The following IQSEC2 variants were observed in gnomAD, a reference collection of about 807,000 sequenced individuals.
The protein encoded by IQSEC2 is IQ motif and SEC7 domain-containing protein 2.
In IQSEC2, 6 loss-of-function variants were observed where a neutral mutation model predicts 74.6. The observed-to-expected ratio is 0.08, with a 90% confidence interval of 0.04 to 0.16. IQSEC2 has a LOEUF of 0.16. Ranked by LOEUF, IQSEC2 falls within the 10% of genes least tolerant of loss-of-function variation. The pLI is 1.00. For synonymous variants in IQSEC2, 494 were observed against 544.5 expected, an observed-to-expected ratio of 0.91 and a Z score of 1.29; for missense variants, 734 against 1,306.2, an observed-to-expected ratio of 0.56 and a Z score of 6.75.
chrX:53,235,080 T>C lies in IQSEC2; in HGVS notation c.3606A>G (p.Ser1202=), dbSNP rs1248421617. 1 of 1,076,357 alleles carries C rather than the reference T, an allele frequency of 9.3e-7. No homozygotes were observed. The highest frequency in any genetic ancestry group is 2.3e-5 in the African/African-American group (1 of 43,624). The allele number at this position is 1,076,357 out of a possible 1,213,427, so 88.7% of individuals were successfully genotyped here. A position where few individuals can be genotyped will look rare whatever the true frequency, so the allele number is the denominator to read the frequency against. ...TTCCAAATAGGGAGCCCAGGAAGGA[T>C]GAGGAGTTGGAGACGGGCCTCTGGC... ...YKSQRPVSNS[S]SFLGSLFGSK... The change falls in exon 15 of 15, where the codon TCA becomes TCG. Residue 1202 remains serine (S), a synonymous_variant. Transcript: ENST00000642864.
intron 1 of IQSEC2, among the ~76,000 whole-genome samples, chrX:53,309,907 AAGAAATATACC>A (rs782702810): frequency 2.7e-5 from 3 of 112,182 alleles, no homozygotes; most frequent in African/African-American, 9.7e-5. Context: ...ATTAGGAAGG[AAGAAATATACC>A]AGTTTTCAGG....
rs782269075 is a variant in IQSEC2, at chrX:53,269,731, G to A, written c.738-13670C>T. ...CTCATGCGCCCACCACTCCATGGAA[G>A]CTGTTCTGAGGAAGGTCGCCCAGGC... is the stretch of plus-strand genomic sequence containing the variant. On this transcript the variant is annotated intron_variant, in intron 2 of 14. Coordinates refer to ENST00000642864, the MANE Select transcript of IQSEC2 (RefSeq NM_001111125.3). Among the ~76,000 whole-genome samples, 4 of 111,306 alleles carry A rather than the reference G, an allele frequency of 3.6e-5. No homozygotes were observed. The East Asian group carries it at 1.1e-3, about 32-fold the overall frequency.
At chrX:53,244,783 G>T (rs971277096) in intron 8 of IQSEC2, among the ~76,000 whole-genome samples, 1 of 111,406 alleles carries the variant, frequency 9.0e-6, no homozygotes, top group Admixed American at 9.6e-5. Flanking sequence ...AGATTAGAAC[G>T]CACCAAAACA....
chrX:53,243,429 C>A lies in IQSEC2; in HGVS notation c.2792G>T (p.Gly931Val). The change falls in exon 9 of 15, where the codon GGC becomes GTC. Residue 931 changes from glycine (G) to valine (V), a missense_variant. Coordinates refer to ENST00000642864, the MANE Select transcript of IQSEC2 (RefSeq NM_001111125.3). ...GEDIPRDLLV[G>V]IYQRIQGREL... is the part of the protein sequence containing the mutation. ...ACGCCCCTGGATGCGCTGGTAGATG[C>A]CCACCAGGAGGTCTCGGGGGATGTC... 1 of 1,174,333 alleles carries A rather than the reference C, an allele frequency of 8.5e-7. No homozygotes were observed. The highest frequency in any genetic ancestry group is 1.1e-6 in the Non-Finnish European group (1 of 876,099).
At chrX:53,275,292 A>G (rs1169139761) in intron 2 of IQSEC2, among the ~76,000 whole-genome samples, 1 of 110,021 alleles carries the variant, frequency 9.1e-6, no homozygotes, top group Non-Finnish European at 1.9e-5. Context: ...CATCCTGCCG[A>G]GTTGGGATTA....
rs1226092595 is a variant in IQSEC2, at chrX:53,274,572, T to C, written c.737+17323A>G. Among the ~76,000 whole-genome samples the C allele has an allele frequency of 4.9e-5, 5 of 102,172 alleles. 1 individual carries two copies. The highest frequency in any genetic ancestry group is 1.8e-4 in the African/African-American group (5 of 28,038). 88.7% of individuals were successfully genotyped at this position (102,172 alleles called of 115,157 possible). A position where few individuals can be genotyped will look rare whatever the true frequency, so the allele number is the denominator to read the frequency against. ...CGCCTCCCGGGTTCACGCCATTCTC[T>C]TGCCTCAGCCTCCTGAGTAGCTGGG... On this transcript the variant is annotated intron_variant, in intron 2 of 14. Transcript: ENST00000642864.
intron 1 of IQSEC2, among the ~76,000 whole-genome samples, chrX:53,301,662 T>C (rs782525278): frequency 7.2e-5 from 8 of 111,532 alleles, no homozygotes; most frequent in African/African-American, 2.6e-4. Context: ...TATCCACATA[T>C]CTCAAGGCTC....
intron 1 of IQSEC2, among the ~76,000 whole-genome samples, chrX:53,318,892 T>C (rs2075402835): frequency 8.9e-6 from 1 of 112,668 alleles, no homozygotes; most frequent in South Asian, 3.7e-4. Flanking sequence ...CTGTCCCTCT[T>C]CCAGTGTGGC....
chrX:53,268,479 T>C, intron 2 of IQSEC2, among the ~76,000 whole-genome samples: 1 of 110,021 alleles, frequency 9.1e-6, no homozygotes, highest in Middle Eastern at 4.7e-3. Context: ...TCCTCATCTA[T>C]AAAAACAGAA....
In IQSEC2 at chrX:53,236,466, G is replaced by A. The variant is rs868950692; in HGVS notation, c.3307C>T (p.Arg1103Trp). The A allele has an allele frequency of 3.3e-6, 4 of 1,199,157 alleles. No individual in the cohort carries two copies. The African/African-American group carries it at 5.2e-5, about 16-fold the overall frequency. Residue 1103 changes from arginine (R) to tryptophan (W), a missense_variant, in exon 13 of 15, where the codon CGG becomes TGG. This residue lies in a region of IQSEC2 where 249 missense variants were observed against 467.9 expected (regional missense o/e 0.53). Coordinates refer to ENST00000642864, the MANE Select transcript of IQSEC2 (RefSeq NM_001111125.3). ...SELEKQKGMM[R>W]PNASQPGGAK... ...CCTCCAGGCTGTGAGGCGTTAGGCC[G>A]CATCATACCTTTCTGCTTCTCCAGC...
chrX:53,277,515 G>C (rs192268621), intron 2 of IQSEC2, among the ~76,000 whole-genome samples: 100 of 110,043 alleles, frequency 9.1e-4, no homozygotes, highest in African/African-American at 3.3e-3. Flanking sequence ...TACCACGCCC[G>C]GCCACTTTGA....
chrX:53,277,028 T>C (rs1162349965), intron 2 of IQSEC2, among the ~76,000 whole-genome samples: 1 of 111,002 alleles, frequency 9.0e-6, no homozygotes, highest in Non-Finnish European at 1.9e-5. Context: ...TAGGCTATAG[T>C]TGTTGTTTTT....
intron 7 of IQSEC2, among the ~76,000 whole-genome samples, chrX:53,247,455 C>T (rs781826252): frequency 8.9e-6 from 1 of 112,065 alleles, no homozygotes; most frequent in African/African-American, 3.2e-5. Flanking sequence ...GGTAATAGAG[C>T]TGGTAAATGG....
At position 53,321,108 on chromosome X, in the gene IQSEC2, C is replaced by G. The variant is rs1556880366; in HGVS notation, c.16G>C (p.Gly6Arg). The change falls in exon 1 of 15, where the codon GGG (glycine) becomes CGG (arginine). Residue 6 changes from glycine to arginine, a missense_variant. This residue lies in a region of IQSEC2 where 134 missense variants were observed against 214.9 expected (regional missense o/e 0.62). Coordinates refer to ENST00000642864, the MANE Select transcript of IQSEC2 (RefSeq NM_001111125.3). MEAGS[G>R]PPGGPGSESP... ...TCGGATCCCGGGCCGCCCGGGGGCC[C>G]CGACCCCGCCTCCATCCTGGCGGCC... The G allele has an allele frequency of 7.9e-6, 9 of 1,137,751 alleles. No homozygotes were observed. Among genetic ancestry groups the G allele is most frequent in the Admixed American group, 2.6e-5 (1 of 38,500 alleles). The allele number at this position is 1,137,751 out of a possible 1,213,427, so 93.8% of individuals were successfully genotyped here. A position where few individuals can be genotyped will look rare whatever the true frequency, so the allele number is the denominator to read the frequency against.
intron 1 of IQSEC2, among the ~76,000 whole-genome samples, chrX:53,295,521 A>G (rs782354171): frequency 1.0e-3 from 108 of 103,367 alleles, no homozygotes; most frequent in Non-Finnish European, 1.8e-3. Flanking sequence ...GGAGAATGGC[A>G]TGAACCCAGA....
At chrX:53,313,240 T>C (rs1023460693) in intron 1 of IQSEC2, among the ~76,000 whole-genome samples, 1 of 112,026 alleles carries the variant, frequency 8.9e-6, no homozygotes, top group Non-Finnish European at 1.9e-5. Flanking sequence ...TCTGATACAA[T>C]TTTTTTGAGG....
intron 1 of IQSEC2, among the ~76,000 whole-genome samples, chrX:53,292,805 G>A (rs1223853951): frequency 2.7e-5 from 3 of 110,510 alleles, no homozygotes; most frequent in Non-Finnish European, 3.8e-5. Flanking sequence ...GCGCGCGCAC[G>A]TGTGTGTGTG....
At chrX:53,226,200 G>A (rs934239525), downstream of IQSEC2, 5 of 112,665 alleles carry the variant, frequency 4.4e-5, no homozygotes, top group Admixed American at 9.4e-5. Context: ...AGCAGTTTCT[G>A]AATAGGTTCA....
At chrX:53,272,739 T>G (rs2074762818) in intron 2 of IQSEC2, among the ~76,000 whole-genome samples, 2 of 111,741 alleles carry the variant, frequency 1.8e-5, no homozygotes, top group South Asian at 7.6e-4. Context: ...ACCAGGCACC[T>G]GGTTCTCTCT....
Sources: gnomAD v4.1 joint callset for allele counts (sites outside exome capture counted in the v4.1 genomes callset) on GRCh38, gnomAD v4.1.1 for gene constraint, gnomAD v4.1.1 regional missense constraint, MANE v1.5 for transcripts, NCBI Gene and HGNC (gene_info 2026-07-23, HGNC 2026-07-21) for gene names.